Variants in INPP1 observed in about 807,000 individuals in gnomAD.
INPP1 encodes inositol polyphosphate 1-phosphatase.
A neutral mutation model predicts 23.0 loss-of-function variants in INPP1; 18 were observed. That is an observed-to-expected ratio of 0.78 (90% CI 0.54 to 1.16). INPP1 has a LOEUF of 1.16. Ranked by LOEUF, INPP1 falls within the 50% of genes most tolerant of loss-of-function variation. The pLI is 0.00. For missense variants in INPP1, 448 were observed against 482.1 expected (o/e 0.93, Z 0.66); for synonymous variants, 164 against 176.3 (o/e 0.93, Z 0.55).
Position 190,363,621 on chromosome 2 carries a change from A to C in INPP1, c.265+934A>C, listed in dbSNP as rs1315900995. Among the ~76,000 whole-genome samples, 2 of 152,174 alleles carry C rather than the reference A, an allele frequency of 1.3e-5. No individual in the cohort carries two copies. Among genetic ancestry groups the C allele is most frequent in the Non-Finnish European group, 2.9e-5 (2 of 68,036 alleles). On this transcript the variant is annotated intron_variant, in intron 4 of 6. Coordinates refer to ENST00000392329, the MANE Select transcript of INPP1 (RefSeq NM_001128928.2). The surrounding 1 kb of genome is among the most constrained non-coding windows in gnomAD (Gnocchi z 4.4). ...TTACAAAGAAAAAATGAGTTTCTAG[A>C]TTAACTCTGAAAATTTTTTAGTCTC...
chr2:190,355,485 T>C lies in INPP1; in HGVS notation c.-64-4554T>C, dbSNP rs1194047625. On this transcript the variant is annotated intron_variant, in intron 2 of 6. Transcript: ENST00000392329. The surrounding 1 kb of genome is among the most constrained non-coding windows in gnomAD (Gnocchi z 5.1). ...GCTATTAAATCTGTGTTTAGAGTTA[T>C]ACAGGTTGCTGACAAAAATACAGAT... is the stretch of plus-strand genomic sequence containing the variant. Among the ~76,000 whole-genome samples, 2 of 152,216 alleles carry C rather than the reference T, an allele frequency of 1.3e-5. No homozygotes were observed. The highest frequency in any genetic ancestry group is 4.8e-5 in the African/African-American group (2 of 41,436).
chr2:190,360,099 A>G lies in INPP1; in HGVS notation c.-4A>G, dbSNP rs917024537. The G allele has an allele frequency of 6.2e-6, 10 of 1,612,436 alleles. No homozygotes were observed. In the African/African-American group the frequency reaches 9.3e-5, roughly 15 times the overall value. On this transcript the variant is annotated 5_prime_UTR_variant, in exon 3 of 7. Transcript: ENST00000392329. ...CAGCTGCAACTGAAAAGCAAGGTTC[A>G]GAAATGTCAGATATCCTCCGGGAGC... is the stretch of plus-strand genomic sequence containing the variant.
intron 2 of INPP1, among the ~76,000 whole-genome samples, chr2:190,359,012 G>T (rs1228094198): frequency 1.3e-5 from 2 of 151,956 alleles, no homozygotes; most frequent in African/African-American, 2.4e-5. Flanking sequence ...GTGCTTGCTG[G>T]TCTGAGGCTG....
In INPP1 at chr2:190,371,486, C is replaced by T; in HGVS notation, c.*84C>T. On this transcript the variant is annotated 3_prime_UTR_variant, in exon 7 of 7. Coordinates refer to ENST00000392329, the MANE Select transcript of INPP1 (RefSeq NM_001128928.2). The surrounding 1 kb of genome is among the most constrained non-coding windows in gnomAD (Gnocchi z 5.3). The stretch of plus-strand genomic sequence containing the variant: ...TCTGTCTTTTGAGGATGGCTTTGTC[C>T]TGTTGCTGGTTAACATTCACCTTCC... The T allele has an allele frequency of 9.4e-7, 1 of 1,058,398 alleles. No homozygotes were observed. Among genetic ancestry groups the T allele is most frequent in the Non-Finnish European group, 1.3e-6 (1 of 758,904 alleles). 65.6% of individuals were successfully genotyped at this position (1,058,398 alleles called of 1,614,324 possible). A position where few individuals can be genotyped will look rare whatever the true frequency, so the allele number is the denominator to read the frequency against.
At position 190,366,907 on chromosome 2, in the gene INPP1, A is replaced by G; in HGVS notation, c.466+12A>G. 1 of 1,562,036 alleles carries G rather than the reference A, an allele frequency of 6.4e-7. No homozygotes were observed. Among genetic ancestry groups the G allele is most frequent in the Non-Finnish European group, 8.8e-7 (1 of 1,132,830 alleles). On this transcript the variant is annotated intron_variant, in intron 5 of 6. Coordinates refer to ENST00000392329, the MANE Select transcript of INPP1 (RefSeq NM_001128928.2). ...GGTGGACCCCATAGGTAAGTATAGGAAAGTATGTTTGTTCTTATTTGCAAT... is the reference window on the plus strand; with the variant it reads ...GGTGGACCCCATAGGTAAGTATAGGGAAGTATGTTTGTTCTTATTTGCAAT...
intron 6 of INPP1, among the ~76,000 whole-genome samples, chr2:190,369,598 C>G (rs980108104): frequency 9.8e-5 from 15 of 152,352 alleles, no homozygotes; most frequent in African/African-American, 3.6e-4. Context: ...GGTGGTAACA[C>G]TGCCTTCCAA....
chr2:190,369,683 A>G (rs1460437959), intron 6 of INPP1, among the ~76,000 whole-genome samples: 1 of 152,232 alleles, frequency 6.6e-6, no homozygotes, highest in Non-Finnish European at 1.5e-5. Context: ...GTTCAAAACA[A>G]AATGTGAAAA....
In INPP1 at chr2:190,355,322, C is replaced by T. The variant is rs1000193353; in HGVS notation, c.-64-4717C>T. Among the ~76,000 whole-genome samples, 5 of 152,144 alleles carry T rather than the reference C, an allele frequency of 3.3e-5. No individual in the cohort carries two copies. Among genetic ancestry groups the T allele is most frequent in the Non-Finnish European group, 5.9e-5 (4 of 68,014 alleles). ...AAATGTTAGCTGTTTCAATTTTAAC[C>T]TATCTCTGCACAAGAATAACAGATA... is the stretch of plus-strand genomic sequence containing the variant. On this transcript the variant is annotated intron_variant, in intron 2 of 6. Coordinates refer to ENST00000392329, the MANE Select transcript of INPP1 (RefSeq NM_001128928.2). This position sits in a 1 kb window ranked among gnomAD's most constrained non-coding sequence, Gnocchi z 5.1.
intron 1 of INPP1, among the ~76,000 whole-genome samples, chr2:190,347,515 T>C (rs949694735): frequency 2.6e-5 from 4 of 152,166 alleles, no homozygotes; most frequent in Non-Finnish European, 5.9e-5. Flanking sequence ...CTCTTTACAT[T>C]GCTTTTCTTT....
At chr2:190,353,462 C>A (rs1689360974) in intron 2 of INPP1, among the ~76,000 whole-genome samples, 1 of 152,196 alleles carries the variant, frequency 6.6e-6, no homozygotes, top group Admixed American at 6.5e-5. Context: ...TTCAGTGACC[C>A]ATATAAACTT....
chr2:190,345,860 A>G lies in INPP1; in HGVS notation c.-209+1899A>G, dbSNP rs971670364. ...AATACAAAAATTAGCCAGGCGTGGT[A>G]GCAAGCACCTGTAGTCCCAGCTATT... is the stretch of plus-strand genomic sequence containing the variant. On this transcript the variant is annotated intron_variant, in intron 1 of 6. Coordinates refer to ENST00000392329, the MANE Select transcript of INPP1 (RefSeq NM_001128928.2). This position sits in a 1 kb window ranked among gnomAD's most constrained non-coding sequence, Gnocchi z 4.9. Among the ~76,000 whole-genome samples, 3 of 152,114 alleles carry G rather than the reference A, an allele frequency of 2.0e-5. No homozygotes were observed. In the East Asian group the frequency reaches 5.8e-4, roughly 29 times the overall value.
At position 190,371,323 on chromosome 2, in the gene INPP1, C is replaced by T. The variant is rs1300379125; in HGVS notation, c.1121C>T (p.Ala374Val). The change falls in exon 7 of 7, where the codon GCA (alanine) becomes GTA (valine). Residue 374 changes from alanine to valine, a missense_variant. Ala to Val is a moderately conservative substitution (Grantham distance 64). Coordinates refer to ENST00000392329, the MANE Select transcript of INPP1 (RefSeq NM_001128928.2). The surrounding 1 kb of genome is among the most constrained non-coding windows in gnomAD (Gnocchi z 5.3). ...DRWANKGGLI[A>V]YRSRKRLETF... ...TGGGCCAACAAGGGAGGACTCATTGCATACAGATCCAGGAAGCGGCTGGAG... is the reference window on the plus strand; with the variant it reads ...TGGGCCAACAAGGGAGGACTCATTGTATACAGATCCAGGAAGCGGCTGGAG... 1 of 1,588,296 alleles carries T rather than the reference C, an allele frequency of 6.3e-7. No homozygotes were observed. Among genetic ancestry groups the T allele is most frequent in the South Asian group, 1.1e-5 (1 of 87,086 alleles).
intron 2 of INPP1, among the ~76,000 whole-genome samples, chr2:190,358,879 T>C (rs1248622810): frequency 6.6e-6 from 1 of 152,200 alleles, no homozygotes; most frequent in Non-Finnish European, 1.5e-5. Flanking sequence ...TATTCAACCG[T>C]TTACTGGGTA....
rs1395889118 is a variant in INPP1, at chr2:190,367,615, A to T, written c.466+720A>T. On this transcript the variant is annotated intron_variant, in intron 5 of 6. Coordinates refer to ENST00000392329, the MANE Select transcript of INPP1 (RefSeq NM_001128928.2). This position sits in a 1 kb window ranked among gnomAD's most constrained non-coding sequence, Gnocchi z 4.1. ...CAGGCTGGAGTGCAGTGGCACAGTCAGAACTCACTCACTGCAGCCTTGTCC... is the reference window on the plus strand; with the variant it reads ...CAGGCTGGAGTGCAGTGGCACAGTCTGAACTCACTCACTGCAGCCTTGTCC... Among the ~76,000 whole-genome samples the T allele has an allele frequency of 6.6e-6, 1 of 152,164 alleles. No homozygotes were observed. Among genetic ancestry groups the T allele is most frequent in the Non-Finnish European group, 1.5e-5 (1 of 68,022 alleles).
At chr2:190,366,138 T>A (rs1689655243) in intron 4 of INPP1, among the ~76,000 whole-genome samples, 1 of 151,442 alleles carries the variant, frequency 6.6e-6, no homozygotes, top group Non-Finnish European at 1.5e-5. Context: ...TCTCTCTTGC[T>A]CTCTCTCGCT....
At position 190,354,797 on chromosome 2, in the gene INPP1, GC is replaced by G. The variant is rs1161734454; in HGVS notation, c.-64-5241del. On this transcript the variant is annotated intron_variant, in intron 2 of 6. Transcript: ENST00000392329. The surrounding 1 kb of genome is among the most constrained non-coding windows in gnomAD (Gnocchi z 4.8). Reference sequence around the variant, plus strand: ...GACATCAGTGGAACTTAATAGATGAGCTTTTACTACCCAGAAGGGTCCTTAA... The same window carrying G: ...GACATCAGTGGAACTTAATAGATGAGTTTTACTACCCAGAAGGGTCCTTAA... Among the ~76,000 whole-genome samples the G allele has an allele frequency of 3.9e-5, 6 of 152,188 alleles. No homozygotes were observed. The highest frequency in any genetic ancestry group is 7.3e-5 in the Non-Finnish European group (5 of 68,034).
At position 190,360,185 on chromosome 2, in the gene INPP1, T is replaced by C; in HGVS notation, c.83T>C (p.Leu28Pro). The change falls in exon 3 of 7, where the codon CTC becomes CCC. Residue 28 changes from leucine (L) to proline (P), a missense_variant. Coordinates refer to ENST00000392329, the MANE Select transcript of INPP1 (RefSeq NM_001128928.2). ...CGGGCGTGCAGACAGCAGGAAGCCC[T>C]CTTCCAGCTGCTGATCGAAGAAAAG... ...IARACRQQEA[L>P]FQLLIEEKKE... is the part of the protein sequence containing the mutation. 1 of 1,614,170 alleles carries C rather than the reference T, an allele frequency of 6.2e-7. No homozygotes were observed. The highest frequency in any genetic ancestry group is 2.2e-5 in the East Asian group (1 of 44,888).
At chr2:190,359,572 AG>A (rs200934345) in intron 2 of INPP1, 753 of 60,238 alleles carry the variant, frequency 0.013, 20 homozygotes, top group African/African-American at 0.073. Flanking sequence ...AAAAAAAAAA[AG>A]AAAGAAAAAA....
intron 2 of INPP1, among the ~76,000 whole-genome samples, chr2:190,358,089 T>C (rs1689453879): frequency 1.4e-5 from 2 of 147,276 alleles, no homozygotes; most frequent in South Asian, 4.5e-4. Flanking sequence ...TTTTTTTTTT[T>C]TTTTTTTTGA....
Sources: allele counts gnomAD v4.1 joint callset (sites outside exome capture counted in the v4.1 genomes callset), GRCh38; gene constraint gnomAD v4.1.1; non-coding constraint Gnocchi (gnomAD v3.1); transcripts MANE v1.5; gene names NCBI Gene and HGNC (gene_info 2026-07-23, HGNC 2026-07-21).